ZNF423: variants seen among roughly 807,000 people sequenced by gnomAD.
ZNF423 encodes zinc finger protein 423, also known as Ebf-associated zinc finger protein.
In ZNF423, 12 loss-of-function variants were observed where a neutral mutation model predicts 95.8. That is an observed-to-expected ratio of 0.13 (90% CI 0.08 to 0.20). The LOEUF (loss-of-function observed/expected upper bound fraction) is 0.20. Among genes scored for constraint, ZNF423 ranks in the 10% least tolerant of loss-of-function variants. The pLI, the probability that ZNF423 is intolerant of heterozygous loss-of-function variation, is 1.00. For missense variants in ZNF423, 1,316 were observed against 1,737.1 expected (o/e 0.76, Z 4.31); for synonymous variants, 749 against 711.9 (o/e 1.05, Z -0.83).
At chr16:49,748,437 C>T (rs1446039005) in intron 2 of ZNF423, among the ~76,000 whole-genome samples, 3 of 152,158 alleles carry the variant, frequency 2.0e-5, no homozygotes, top group Non-Finnish European at 2.9e-5. Flanking sequence ...AAACCACCTT[C>T]GGGGAGATGA....
chr16:49,822,635 GC>G, intron 1 of ZNF423: 1 of 1,555,154 alleles, frequency 6.4e-7, no homozygotes, highest in Non-Finnish European at 8.7e-7. Context: ...TACTTCCCTT[GC>G]CCCACCCCTC....
chr16:49,722,576 C>G (rs1272626083), intron 3 of ZNF423, among the ~76,000 whole-genome samples: 2 of 152,208 alleles, frequency 1.3e-5, no homozygotes, highest in Non-Finnish European at 2.9e-5. Flanking sequence ...TCTAAACTTA[C>G]CCTTCTGATT....
At chr16:49,622,399 C>T (rs1265846049) in intron 5 of ZNF423, among the ~76,000 whole-genome samples, 2 of 151,586 alleles carry the variant, frequency 1.3e-5, no homozygotes, top group African/African-American at 4.9e-5. Flanking sequence ...AAGCCAAGCA[C>T]CTACAGCCCC....
intron 5 of ZNF423, among the ~76,000 whole-genome samples, chr16:49,577,489 G>T (rs1485775229): frequency 6.6e-6 from 1 of 152,048 alleles, no homozygotes; most frequent in Non-Finnish European, 1.5e-5. Context: ...CCAGCGACCA[G>T]CCAGGAGCCA....
intron 5 of ZNF423, among the ~76,000 whole-genome samples, chr16:49,611,870 C>A (rs1346435065): frequency 6.6e-6 from 1 of 151,970 alleles, no homozygotes; most frequent in Non-Finnish European, 1.5e-5. Context: ...ACTCTACATA[C>A]ATAAATTTGA....
chr16:49,600,957 C>T (rs1271560941), intron 5 of ZNF423, among the ~76,000 whole-genome samples: 1 of 152,058 alleles, frequency 6.6e-6, no homozygotes, highest in Non-Finnish European at 1.5e-5. Context: ...GATGCATCAT[C>T]GGAGAATTTC....
chr16:49,833,198 C>A (rs2035079740), intron 1 of ZNF423, among the ~76,000 whole-genome samples: 2 of 152,314 alleles, frequency 1.3e-5, no homozygotes, highest in South Asian at 4.1e-4. Context: ...GCAGGCAACA[C>A]CCAGAGCCCA....
At chr16:49,677,332 G>GAAGGGAAGGGAAGGGAAGA (rs2031143515) in intron 3 of ZNF423, among the ~76,000 whole-genome samples, 1 of 36,696 alleles carries the variant, frequency 2.7e-5, no homozygotes, top group Non-Finnish European at 5.5e-5. Context: ...GGAGGGGAGG[G>GAAGGGAAGGGAAGGGAAGA]GAGGGGAGGG....
chr16:49,618,138 C>T (rs544479905), intron 5 of ZNF423, among the ~76,000 whole-genome samples: 13 of 152,342 alleles, frequency 8.5e-5, no homozygotes, highest in Non-Finnish European at 1.9e-4. Context: ...GGCGCAGGCC[C>T]CGAGTCACAC....
chr16:49,740,844 G>A (rs7498127), intron 2 of ZNF423, among the ~76,000 whole-genome samples: 86,682 of 152,100 alleles, frequency 0.57, 25,174 homozygotes, highest in African/African-American at 0.69. Flanking sequence ...ATCTTCAGTT[G>A]TCAGCAAGTC....
upstream of ZNF423, among the ~76,000 whole-genome samples, chr16:49,858,152 G>C (rs375052905): frequency 2.7e-4 from 41 of 152,148 alleles, no homozygotes; most frequent in South Asian, 8.5e-3. This position sits in a 1 kb window ranked among gnomAD's most constrained non-coding sequence, Gnocchi z 4.3. Context: ...AGAGGGGAGG[G>C]CTACGTCCCC....
intron 3 of ZNF423, among the ~76,000 whole-genome samples, chr16:49,690,532 A>T (rs771912652): frequency 3.3e-5 from 5 of 152,210 alleles, no homozygotes; most frequent in Non-Finnish European, 7.3e-5. Flanking sequence ...TAAACAAAAA[A>T]CAATAATAAT....
chr16:49,640,574 C>T (rs2151890817), intron 3 of ZNF423, among the ~76,000 whole-genome samples: 1 of 152,236 alleles, frequency 6.6e-6, no homozygotes, highest in South Asian at 2.1e-4. Context: ...TGAGCCTGGT[C>T]CTAGGCCCCG....
chr16:49,594,563 A>G (rs1194099879), intron 5 of ZNF423, among the ~76,000 whole-genome samples: 5 of 152,214 alleles, frequency 3.3e-5, no homozygotes, highest in Non-Finnish European at 5.9e-5. Context: ...AGACACAAAA[A>G]CACAGATAAA....
At chr16:49,497,015 C>A (rs1188216915) in intron 7 of ZNF423, among the ~76,000 whole-genome samples, 1 of 152,160 alleles carries the variant, frequency 6.6e-6, no homozygotes, top group Non-Finnish European at 1.5e-5. Flanking sequence ...GATGGTCCTG[C>A]CCTTGGAACA....
chr16:49,624,644 TAA>T (rs537671386), intron 5 of ZNF423, among the ~76,000 whole-genome samples: 5 of 151,964 alleles, frequency 3.3e-5, no homozygotes, highest in Non-Finnish European at 5.9e-5. Flanking sequence ...ATCAAACAGA[TAA>T]AGAGTGGTTG....
At chr16:49,615,267 A>G (rs1971840105) in intron 5 of ZNF423, among the ~76,000 whole-genome samples, 1 of 152,180 alleles carries the variant, frequency 6.6e-6, no homozygotes, top group Non-Finnish European at 1.5e-5. Flanking sequence ...CGGCAGGCAA[A>G]TGCAAATTTC....
At chr16:49,682,962 A>T (rs1303973024) in intron 3 of ZNF423, among the ~76,000 whole-genome samples, 1 of 152,172 alleles carries the variant, frequency 6.6e-6, no homozygotes, top group African/African-American at 2.4e-5. Flanking sequence ...CACCCGTGTC[A>T]TGCAAGGGAG....
At chr16:49,852,394 T>A (rs1313627318) in intron 1 of ZNF423, among the ~76,000 whole-genome samples, 1 of 152,200 alleles carries the variant, frequency 6.6e-6, no homozygotes, top group East Asian at 1.9e-4. Context: ...ATTTTCTCTA[T>A]AAATGAAGAG....
Sources: allele counts gnomAD v4.1 joint callset (sites outside exome capture counted in the v4.1 genomes callset), GRCh38; gene constraint gnomAD v4.1.1; non-coding constraint Gnocchi (gnomAD v3.1); transcripts MANE v1.5; gene names NCBI Gene and HGNC (gene_info 2026-07-23, HGNC 2026-07-21).